The following LRCH1 variants were observed in gnomAD, a reference collection of about 807,000 sequenced individuals.
The protein encoded by LRCH1 is leucine rich repeats and calponin homology domain containing 1.
LRCH1 carries 23 observed loss-of-function variants against 94.9 expected under a neutral mutation model. That is an observed-to-expected ratio of 0.24 (90% CI 0.17 to 0.34). LRCH1 has a LOEUF of 0.34. Ranked by LOEUF, LRCH1 falls within the 10% of genes least tolerant of loss-of-function variation. The pLI is 1.00. For missense variants in LRCH1, 790 were observed against 945.9 expected (o/e 0.84, Z 2.16); for synonymous variants, 364 against 354.9 (o/e 1.03, Z -0.29).
At chr13:46,708,001 C>T (rs984313222) in intron 13 of LRCH1, among the ~76,000 whole-genome samples, 2 of 152,192 alleles carry the variant, frequency 1.3e-5, no homozygotes, top group Non-Finnish European at 2.9e-5. Flanking sequence ...AAAGGCGTGG[C>T]CCTGCTTTCC....
intron 1 of LRCH1, among the ~76,000 whole-genome samples, chr13:46,594,784 G>A (rs2050540677): frequency 6.6e-6 from 1 of 152,166 alleles, no homozygotes; most frequent in South Asian, 2.1e-4. Flanking sequence ...ATTTTCAAAT[G>A]TATGGTTAGT....
chr13:46,662,481 T>C (rs1005440806), intron 2 of LRCH1, among the ~76,000 whole-genome samples: 3 of 152,220 alleles, frequency 2.0e-5, no homozygotes, highest in African/African-American at 7.2e-5. Context: ...AGTTCACTTA[T>C]TTTGAAAGCT....
intron 1 of LRCH1, among the ~76,000 whole-genome samples, chr13:46,627,890 A>G (rs2050969877): frequency 6.6e-6 from 1 of 152,176 alleles, no homozygotes; most frequent in African/African-American, 2.4e-5. Flanking sequence ...CTGTATTACC[A>G]TTACAGGTGT....
At chr13:46,587,006 G>C (rs770336266) in intron 1 of LRCH1, among the ~76,000 whole-genome samples, 12 of 152,310 alleles carry the variant, frequency 7.9e-5, no homozygotes, top group Non-Finnish European at 1.6e-4. Context: ...CTCAGGAGTG[G>C]CTTCTGGCTT....
chr13:46,625,731 G>A (rs923997271), intron 1 of LRCH1, among the ~76,000 whole-genome samples: 7 of 145,806 alleles, frequency 4.8e-5, no homozygotes, highest in Non-Finnish European at 1.0e-4. Flanking sequence ...TCAGGTAACT[G>A]CAACCTCTGC....
chr13:46,653,962 T>A (rs842408), intron 2 of LRCH1, among the ~76,000 whole-genome samples: 84,230 of 152,102 alleles, frequency 0.55, 23,439 homozygotes, highest in East Asian at 0.62. Context: ...AGTTGAAACA[T>A]GTCTTCTAGG....
At chr13:46,572,546 G>T (rs1381358716) in intron 1 of LRCH1, among the ~76,000 whole-genome samples, 2 of 151,998 alleles carry the variant, frequency 1.3e-5, no homozygotes, top group African/African-American at 4.8e-5. Flanking sequence ...GTGGACAGGG[G>T]TATAGTTTGA....
chr13:46,631,377 T>C (rs1466870065), intron 1 of LRCH1, among the ~76,000 whole-genome samples: 1 of 152,200 alleles, frequency 6.6e-6, no homozygotes, highest in South Asian at 2.1e-4. Flanking sequence ...CCAAACATGC[T>C]CAATGCATTG....
intron 15 of LRCH1, 73 bp downstream of exon 15, chr13:46,712,670 A>G: frequency 1.5e-6 from 2 of 1,307,728 alleles, no homozygotes; most frequent in Admixed American, 1.7e-5. Context: ...AAGTGTATGC[A>G]TTATCAATGT....
intron 3 of LRCH1, among the ~76,000 whole-genome samples, chr13:46,680,528 G>C (rs1232227278): frequency 6.6e-6 from 1 of 152,196 alleles, no homozygotes; most frequent in South Asian, 2.1e-4. Context: ...AAGAGGTTGA[G>C]GCTTGAATTA....
intron 3 of LRCH1, among the ~76,000 whole-genome samples, chr13:46,669,980 G>T (rs1221497959): frequency 6.6e-6 from 1 of 152,292 alleles, no homozygotes; most frequent in Admixed American, 6.5e-5. Context: ...AACAATGATG[G>T]CCAATAAGTT....
chr13:46,598,761 C>G (rs1466437307), intron 1 of LRCH1, among the ~76,000 whole-genome samples: 1 of 152,156 alleles, frequency 6.6e-6, no homozygotes, highest in Non-Finnish European at 1.5e-5. Context: ...TACACAGGAT[C>G]CTTGAGAAGT....
intron 1 of LRCH1, among the ~76,000 whole-genome samples, chr13:46,619,920 C>T (rs922025259): frequency 1.3e-5 from 2 of 152,086 alleles, no homozygotes; most frequent in African/African-American, 4.8e-5. Flanking sequence ...TGCAGAATTG[C>T]ATTTTACATT....
At chr13:46,587,054 C>G (rs1285593110) in intron 1 of LRCH1, among the ~76,000 whole-genome samples, 1 of 152,216 alleles carries the variant, frequency 6.6e-6, no homozygotes, top group Admixed American at 6.5e-5. Context: ...TAAGGATCAA[C>G]TAGCTCATGA....
At position 46,714,349 on chromosome 13, in the gene LRCH1, T is replaced by C. The variant is rs1337919946; in HGVS notation, c.1655-1211T>C. Among the ~76,000 whole-genome samples, 3 of 152,206 alleles carry C rather than the reference T, an allele frequency of 2.0e-5. No homozygotes were observed. The East Asian group carries it at 5.8e-4, about 29-fold the overall frequency. On this transcript the variant is annotated intron_variant, in intron 15 of 19. Coordinates refer to ENST00000389797, the MANE Select transcript of LRCH1 (RefSeq NM_001164211.2). Reference sequence around the variant, plus strand: ...GTATGGAAATTTATTTCATTTTATTTAATAATTTTAAAATAGTATATATGC... The same window carrying C: ...GTATGGAAATTTATTTCATTTTATTCAATAATTTTAAAATAGTATATATGC...
At chr13:46,718,497 G>A (rs1872436192) in intron 16 of LRCH1, among the ~76,000 whole-genome samples, 1 of 152,196 alleles carries the variant, frequency 6.6e-6, no homozygotes, top group Non-Finnish European at 1.5e-5. Flanking sequence ...ATTTGGTGTA[G>A]CATTGAGTCT....
chr13:46,574,822 GTTTTTTTTTTTT>G (rs754195815), intron 1 of LRCH1, among the ~76,000 whole-genome samples: 12 of 69,436 alleles, frequency 1.7e-4, no homozygotes, highest in African/African-American at 5.7e-4. Flanking sequence ...TGTGTGTGGG[GTTTTTTTTTTTT>G]TTTTTTTTTT....
intron 6 of LRCH1, among the ~76,000 whole-genome samples, chr13:46,688,601 A>C (rs1406539852): frequency 2.0e-5 from 3 of 152,234 alleles, no homozygotes; most frequent in African/African-American, 7.2e-5. Flanking sequence ...TCTTCACTGC[A>C]GAAATCTTTT....
Position 46,742,827 on chromosome 13 carries a change from A to T in LRCH1, c.*979A>T. The T allele has an allele frequency of 7.1e-6, 7 of 985,410 alleles. No homozygotes were observed. The highest frequency in any genetic ancestry group is 8.4e-6 in the Non-Finnish European group (7 of 829,924). 61.0% of individuals were successfully genotyped at this position (985,410 alleles called of 1,614,324 possible). A position where few individuals can be genotyped will look rare whatever the true frequency, so the allele number is the denominator to read the frequency against. Reference sequence around the variant, plus strand: ...GTTATGATGGCAGGAGTCAAGAAGAAGATTACTTTCATTCTAGAAGAATGT... The same window carrying T: ...GTTATGATGGCAGGAGTCAAGAAGATGATTACTTTCATTCTAGAAGAATGT... On this transcript the variant is annotated 3_prime_UTR_variant, in exon 20 of 20. Transcript: ENST00000389797.
Sources: allele counts gnomAD v4.1 joint callset (sites outside exome capture counted in the v4.1 genomes callset), GRCh38; gene constraint gnomAD v4.1.1; transcripts MANE v1.5; gene names NCBI Gene and HGNC (gene_info 2026-07-23, HGNC 2026-07-21).